The following MAPK10 variants were observed in gnomAD, a reference collection of about 807,000 sequenced individuals.
The protein encoded by MAPK10 is JNK3 alpha protein kinase.
A neutral mutation model predicts 59.3 loss-of-function variants in MAPK10; 25 were observed. The observed-to-expected ratio is 0.42, with a 90% CI of 0.31 to 0.59. The LOEUF (loss-of-function observed/expected upper bound fraction) is 0.59, where lower values mean the gene tolerates loss of function less well. Among genes scored for constraint, MAPK10 ranks in the 20% least tolerant of loss-of-function variants. The pLI, the probability that MAPK10 is intolerant of heterozygous loss-of-function variation, is 0.15. For synonymous variants in MAPK10, 190 were observed against 200.5 expected (o/e 0.95, Z 0.44); for missense variants, 351 against 568.9 (o/e 0.62, Z 3.90).
At chr4:86,490,062 C>T (rs1053139262) in intron 1 of MAPK10, among the ~76,000 whole-genome samples, 1 of 152,188 alleles carries the variant, frequency 6.6e-6, no homozygotes, top group African/African-American at 2.4e-5. Context: ...TTCCTCCTGG[C>T]TATTCTACTG....
At chr4:86,481,944 T>C (rs1753645064) in intron 1 of MAPK10, among the ~76,000 whole-genome samples, 1 of 152,174 alleles carries the variant, frequency 6.6e-6, no homozygotes, top group Admixed American at 6.6e-5. Flanking sequence ...AATCATGGGA[T>C]TTTAGTAATT....
rs564688699 is a variant in MAPK10, at chr4:86,075,849, T to C, written c.803-7894A>G. Among the ~76,000 whole-genome samples the C allele has an allele frequency of 1.6e-3, 243 of 152,242 alleles. 2 individuals are homozygous for C. The highest frequency in any genetic ancestry group is 5.5e-3 in the African/African-American group (229 of 41,568). On this transcript the variant is annotated intron_variant, in intron 9 of 13. Transcript: ENST00000641462. ...GCAGAGGTTACTGCTGTCTTTTTGT[T>C]TGTCTGTGCCCTGCCCCCAGAGGTG...
intron 1 of MAPK10, among the ~76,000 whole-genome samples, chr4:86,526,206 T>C (rs1390514579): frequency 6.6e-6 from 1 of 152,160 alleles, no homozygotes; most frequent in Non-Finnish European, 1.5e-5. Context: ...CCAGGGATTT[T>C]AGGGGGATGG....
chr4:86,066,807 G>A (rs1333750419), intron 10 of MAPK10, among the ~76,000 whole-genome samples: 1 of 147,934 alleles, frequency 6.8e-6, no homozygotes, highest in African/African-American at 2.5e-5. Context: ...GATTCTTCAT[G>A]AATAGGGTCA....
At chr4:86,044,553 A>G (rs2042166398) in intron 11 of MAPK10, 2 of 391,814 alleles carry the variant, frequency 5.1e-6, no homozygotes, top group Admixed American at 4.4e-5. Context: ...TTTTCTCTCA[A>G]TCTTTAATGG....
chr4:86,460,497 A>G (rs899141841), intron 1 of MAPK10, among the ~76,000 whole-genome samples: 1 of 152,242 alleles, frequency 6.6e-6, no homozygotes, highest in Non-Finnish European at 1.5e-5. Context: ...AAAAGGATGG[A>G]ACCACCAATT....
chr4:86,076,281 G>GA (rs1200726232), intron 9 of MAPK10, among the ~76,000 whole-genome samples: 2 of 152,098 alleles, frequency 1.3e-5, no homozygotes, highest in Non-Finnish European at 2.9e-5. Context: ...CCACTGGCCT[G>GA]CGCCCACTGT....
chr4:86,532,281 G>A (rs1274584650), intron 1 of MAPK10, among the ~76,000 whole-genome samples: 1 of 151,996 alleles, frequency 6.6e-6, no homozygotes, highest in Non-Finnish European at 1.5e-5. Flanking sequence ...ATTCTCCTAG[G>A]AGATGGAGAC....
chr4:86,188,458 A>G (rs1218263270), intron 3 of MAPK10, among the ~76,000 whole-genome samples: 1 of 152,168 alleles, frequency 6.6e-6, no homozygotes, highest in Non-Finnish European at 1.5e-5. Flanking sequence ...ATGAGATGTT[A>G]TCTCATTGTG....
chr4:86,216,913 T>C (rs577590023), intron 2 of MAPK10, among the ~76,000 whole-genome samples: 14 of 152,262 alleles, frequency 9.2e-5, no homozygotes, highest in African/African-American at 3.4e-4. Flanking sequence ...AAATGCATAT[T>C]TTTAATAAGG....
chr4:86,345,303 T>A (rs4693766), intron 2 of MAPK10, among the ~76,000 whole-genome samples: 108,695 of 152,046 alleles, frequency 0.71, 39,821 homozygotes, highest in South Asian at 0.9. Flanking sequence ...TTTAATTCAA[T>A]CTGTGTGCAA....
intron 2 of MAPK10, among the ~76,000 whole-genome samples, chr4:86,196,149 C>A (rs146790474): frequency 1.1e-3 from 173 of 152,324 alleles, no homozygotes; most frequent in African/African-American, 3.8e-3. Context: ...GCCACACTGT[C>A]TTCCACAATG....
At chr4:86,593,023 A>G (rs1177365391) in intron 1 of MAPK10, among the ~76,000 whole-genome samples, 1 of 152,206 alleles carries the variant, frequency 6.6e-6, no homozygotes, top group Non-Finnish European at 1.5e-5. Flanking sequence ...GTTTAGCCCT[A>G]TGAGTAATCA....
rs927340100 is a variant in MAPK10 at position 86,550,403 on chromosome 4, A to C, written c.-263+43507T>G. Reference sequence around the variant, plus strand: ...AAAAAAAAAAAAAAAAAAAAAAAAAAAAAAAAAACTCCAGGCCAGGCACAG... The same window carrying C: ...AAAAAAAAAAAAAAAAAAAAAAAAACAAAAAAAACTCCAGGCCAGGCACAG... On this transcript the variant is annotated intron_variant, in intron 1 of 4. Transcript: ENST00000502302. 8.2e-3 allele frequency among the ~76,000 whole-genome samples: 1,068 copies of C among 130,512 alleles called. 6 individuals are homozygous for C. The highest frequency in any genetic ancestry group is 0.013 in the Non-Finnish European group (748 of 59,070). The allele number at this position is 130,512 out of a possible 152,430, so 85.6% of individuals were successfully genotyped here. A position where few individuals can be genotyped will look rare whatever the true frequency, so the allele number is the denominator to read the frequency against.
At chr4:86,552,502 AAAGGAAGGAAGGAAGG>A (rs771664348) in intron 1 of MAPK10, among the ~76,000 whole-genome samples, 627 of 32,968 alleles carry the variant, frequency 0.019, 17 homozygotes, top group African/African-American at 0.055. Flanking sequence ...GGAGGGAAGG[AAAGGAAGGAAGGAAGG>A]AAGGAAGGAA....
intron 4 of MAPK10, among the ~76,000 whole-genome samples, chr4:86,113,018 T>C: frequency 6.6e-6 from 1 of 152,072 alleles, no homozygotes; most frequent in East Asian, 1.9e-4. Context: ...AGTCTGTTTT[T>C]CAGTAACCAG....
At chr4:86,303,670 G>A (rs1187408958) in intron 2 of MAPK10, among the ~76,000 whole-genome samples, 1 of 152,146 alleles carries the variant, frequency 6.6e-6, no homozygotes, top group Non-Finnish European at 1.5e-5. Flanking sequence ...TTTATATGTG[G>A]TAGTTAGAAA....
intron 1 of MAPK10, among the ~76,000 whole-genome samples, chr4:86,547,437 C>A (rs1759309690): frequency 6.6e-6 from 1 of 152,244 alleles, no homozygotes; most frequent in Non-Finnish European, 1.5e-5. Context: ...GGTTTAGCAC[C>A]TGGGCCAGCA....
intron 11 of MAPK10, among the ~76,000 whole-genome samples, chr4:86,038,367 T>C (rs2148933220): frequency 6.6e-6 from 1 of 152,334 alleles, no homozygotes; most frequent in East Asian, 1.9e-4. Context: ...CTTACTGAAA[T>C]ATGCTTTGTT....
Sources: gnomAD v4.1 joint callset for allele counts (sites outside exome capture counted in the v4.1 genomes callset) on GRCh38, gnomAD v4.1.1 for gene constraint, MANE v1.5 for transcripts, NCBI Gene and HGNC (gene_info 2026-07-23, HGNC 2026-07-21) for gene names.